The following DRC1 variants were observed in gnomAD, a reference collection of about 807,000 sequenced individuals.
DRC1 encodes dynein regulatory complex subunit 1, also known as dynein regulatory complex protein 1.
Under a neutral mutation model 98.7 loss-of-function variants are expected in DRC1, and 74 were observed. The ratio of observed to expected loss-of-function variants is 0.75; its 90% CI spans 0.62 to 0.91. The LOEUF (loss-of-function observed/expected upper bound fraction) is 0.91. Among genes scored for constraint, DRC1 ranks in the 40% least tolerant of loss-of-function variants. The pLI, the probability that DRC1 is intolerant of heterozygous loss-of-function variation, is 0.00. For missense variants in DRC1, 875 were observed against 886.0 expected, an observed-to-expected ratio of 0.99 and a Z score of 0.16; for synonymous variants, 336 against 334.1, an observed-to-expected ratio of 1.01 and a Z score of -0.06.
intron 8 of DRC1, among the ~76,000 whole-genome samples, chr2:26,442,355 T>A (rs916254316): frequency 3.3e-5 from 5 of 152,222 alleles, no homozygotes; most frequent in African/African-American, 1.2e-4. Flanking sequence ...GATGATGCCC[T>A]TCTAGCCAAG....
chr2:26,455,247 C>G lies in DRC1; in HGVS notation c.2166+14C>G, dbSNP rs372413028. 3.1e-6 allele frequency: 5 copies of G among 1,609,328 alleles called. No individual in the cohort carries two copies. The highest frequency in any genetic ancestry group is 4.2e-6 in the Non-Finnish European group (5 of 1,177,406). On this transcript the variant is annotated intron_variant, in intron 16 of 16. Coordinates refer to ENST00000288710, the MANE Select transcript of DRC1 (RefSeq NM_145038.5). ...CTGAACTCCAAGGTGGGCGGCGGGG[C>G]CTTCCAAGGAGGGGCAGCGGGAGAC... is the stretch of plus-strand genomic sequence containing the variant.
chr2:26,411,234 C>T (rs1204097294), intron 1 of DRC1, among the ~76,000 whole-genome samples: 2 of 152,174 alleles, frequency 1.3e-5, no homozygotes, highest in African/African-American at 4.8e-5. Context: ...ACAGTATCAG[C>T]CACATATGTC....
In DRC1 at chr2:26,444,228, T is replaced by C. The variant is rs1314698959; in HGVS notation, c.1035T>C (p.His345=). 1.2e-6 allele frequency: 2 copies of C among 1,614,034 alleles called. No homozygotes were observed. The stretch of plus-strand genomic sequence containing the variant: ...CTTTTTCTCCTTCAACCAGCCTGCA[T>C]GATATACTTAACAATCTGAGATCAA... ...SQQKRKINRL[H]DILNNLRSKY... The change falls in exon 9 of 17, where the codon CAT becomes CAC. Residue 345 remains histidine (H), a synonymous_variant. Coordinates refer to ENST00000288710, the MANE Select transcript of DRC1 (RefSeq NM_145038.5).
chr2:26,404,099 CAA>C, intron 1 of DRC1, among the ~76,000 whole-genome samples: 1 of 140,068 alleles, frequency 7.1e-6, no homozygotes, highest in East Asian at 2.1e-4. Flanking sequence ...GACTCTGTCT[CAA>C]AAAAAAAAAA....
chr2:26,450,714 T>G (rs1465710686), intron 13 of DRC1, 33 bp downstream of exon 13: 3 of 1,479,590 alleles, frequency 2.0e-6, no homozygotes, highest in Admixed American at 2.4e-5. Context: ...GAAAGCATTT[T>G]CTTTCTTTCT....
At chr2:26,443,301 T>A (rs765743925) in intron 8 of DRC1, among the ~76,000 whole-genome samples, 9 of 152,240 alleles carry the variant, frequency 5.9e-5, no homozygotes, top group Non-Finnish European at 1.2e-4. Flanking sequence ...GTCTGAAGTA[T>A]GGGCCTGGGT....
intron 7 of DRC1, among the ~76,000 whole-genome samples, chr2:26,438,644 C>T (rs1427471945): frequency 6.6e-6 from 1 of 152,164 alleles, no homozygotes; most frequent in East Asian, 1.9e-4. Context: ...GGGTGGGGAT[C>T]GCCGGATTCC....
In DRC1 at chr2:26,431,954, G is replaced by A. The variant is rs989489316; in HGVS notation, c.836G>A (p.Trp279Ter). ...YEKQLNRQRI[W>*]DCEEYNMIKI... is the part of the protein sequence containing the mutation. ...AAGCAGCTGAACAGGCAGAGGATCT[G>A]GGATTGCGAAGAATACAACATGATC... is the stretch of plus-strand genomic sequence containing the variant. Residue 279 changes from tryptophan to a stop codon, truncating the protein, a stop_gained, in exon 7 of 17, where the codon TGG becomes TAG. Coordinates refer to ENST00000288710, the MANE Select transcript of DRC1 (RefSeq NM_145038.5). LOFTEE classifies it high-confidence loss of function. 2 of 1,614,204 alleles carry A rather than the reference G, an allele frequency of 1.2e-6. No homozygotes were observed. Among genetic ancestry groups the A allele is most frequent in the Middle Eastern group, 1.6e-4 (1 of 6,062 alleles).
intron 13 of DRC1, among the ~76,000 whole-genome samples, chr2:26,451,716 A>G (rs962116558): frequency 6.6e-6 from 1 of 152,226 alleles, no homozygotes; most frequent in Admixed American, 6.5e-5. Flanking sequence ...AGAGAAAAGA[A>G]AAAAAGAGCT....
chr2:26,435,337 G>A (rs1014437291), intron 7 of DRC1, among the ~76,000 whole-genome samples: 2 of 152,112 alleles, frequency 1.3e-5, no homozygotes, highest in African/African-American at 2.4e-5. Flanking sequence ...CATTAGTCTT[G>A]GGAACATGAA....
chr2:26,415,719 G>A (rs1432050826), intron 2 of DRC1, among the ~76,000 whole-genome samples: 1 of 152,284 alleles, frequency 6.6e-6, no homozygotes, highest in Non-Finnish European at 1.5e-5. Context: ...ATCACCTGAG[G>A]TCAGGAGTTC....
In DRC1 at chr2:26,454,580, C is replaced by G; in HGVS notation, c.1920-67C>G. 1 of 1,588,342 alleles carries G rather than the reference C, an allele frequency of 6.3e-7. No homozygotes were observed. Among genetic ancestry groups the G allele is most frequent in the Non-Finnish European group, 8.6e-7 (1 of 1,164,946 alleles). ...AGGTGGGAAAGCAGTAGGCCTGTGA[C>G]TGGCACTGCCTGGGGGCCTGGGTAG... On this transcript the variant is annotated intron_variant, in intron 14 of 16. Coordinates refer to ENST00000288710, the MANE Select transcript of DRC1 (RefSeq NM_145038.5). The surrounding 1 kb of genome is among the most constrained non-coding windows in gnomAD (Gnocchi z 5.2).
At chr2:26,424,825 A>G (rs1483042500) in intron 4 of DRC1, among the ~76,000 whole-genome samples, 1 of 152,016 alleles carries the variant, frequency 6.6e-6, no homozygotes, top group Non-Finnish European at 1.5e-5. Flanking sequence ...GGTGGCACAT[A>G]CCTGTAATCT....
In DRC1 at chr2:26,449,966, G is replaced by T. The variant is rs372557573; in HGVS notation, c.1510-30G>T. 4 of 1,606,164 alleles carry T rather than the reference G, an allele frequency of 2.5e-6. No individual in the cohort carries two copies. The African/African-American group carries it at 4.0e-5, about 16-fold the overall frequency. On this transcript the variant is annotated intron_variant, in intron 11 of 16. Transcript: ENST00000288710. ...GGACTCGCTCCTGAAACCTGTCCCC[G>T]ACAGGAGATGCCTTCTTCCTTCTCC...
intron 8 of DRC1, among the ~76,000 whole-genome samples, chr2:26,441,105 T>A: frequency 6.6e-6 from 1 of 152,208 alleles, no homozygotes; most frequent in Non-Finnish European, 1.5e-5. Flanking sequence ...TTCTCATACA[T>A]CCTTCCCTTC....
In DRC1 at chr2:26,430,771, C is replaced by A; in HGVS notation, c.679-15C>A. On this transcript the variant is annotated splice_polypyrimidine_tract_variant and intron_variant, in intron 5 of 16. Coordinates refer to ENST00000288710, the MANE Select transcript of DRC1 (RefSeq NM_145038.5). ...TCAAAACAGATGCAAGAGTGTTTTTCCTTCTTGGTCGTAGAAAGCATTTGA... is the reference window on the plus strand; with the variant it reads ...TCAAAACAGATGCAAGAGTGTTTTTACTTCTTGGTCGTAGAAAGCATTTGA... 1 of 1,613,542 alleles carries A rather than the reference C, an allele frequency of 6.2e-7. No individual in the cohort carries two copies.
rs118111525 is a variant in DRC1 at position 26,423,801 on chromosome 2, T to C, written c.357-470T>C. ...CAACAGCCAGCCACTTGAAGGTAGA[T>C]ACTTTTCATCCACGCCATTTTACAG... On this transcript the variant is annotated intron_variant, in intron 3 of 16. Coordinates refer to ENST00000288710, the MANE Select transcript of DRC1 (RefSeq NM_145038.5). 5.1e-3 allele frequency among the ~76,000 whole-genome samples: 770 copies of C among 152,366 alleles called. 25 individuals carry two copies. The South Asian group carries it at 0.077, about 15-fold the overall frequency.
In DRC1 at chr2:26,444,854, A is replaced by G. The variant is rs1663811966; in HGVS notation, c.1302A>G (p.Ala434=). 1 of 1,614,076 alleles carries G rather than the reference A, an allele frequency of 6.2e-7. No individual in the cohort carries two copies. Among genetic ancestry groups the G allele is most frequent in the African/African-American group, 1.3e-5 (1 of 74,918 alleles). The change falls in exon 10 of 17, where the codon GCA becomes GCG. Residue 434 remains alanine (A), a synonymous_variant. Transcript: ENST00000288710. ...HTHHLGLPWA[A]PDFWFLNNVG... is the part of the protein sequence containing the mutation. ...ATCATCTGGGGCTTCCCTGGGCAGC[A>G]CCTGATTTCTGGTTCCTGAACAATG...
Position 26,454,640 on chromosome 2 carries a change from C to A in DRC1, c.1920-7C>A. Reference sequence around the variant, plus strand: ...GACATGACAATCACTGTGCTCTTGGCCTTCAGGGACTCGCGGGCCCCGCTG... The same window carrying A: ...GACATGACAATCACTGTGCTCTTGGACTTCAGGGACTCGCGGGCCCCGCTG... On this transcript the variant is annotated splice_polypyrimidine_tract_variant and splice_region_variant and intron_variant, in intron 14 of 16. Coordinates refer to ENST00000288710, the MANE Select transcript of DRC1 (RefSeq NM_145038.5). The surrounding 1 kb of genome is among the most constrained non-coding windows in gnomAD (Gnocchi z 5.2). 1 of 1,613,888 alleles carries A rather than the reference C, an allele frequency of 6.2e-7. No homozygotes were observed. Among genetic ancestry groups the A allele is most frequent in the Non-Finnish European group, 8.5e-7 (1 of 1,179,894 alleles).
Sources: gnomAD v4.1 joint callset for allele counts (sites outside exome capture counted in the v4.1 genomes callset) on GRCh38, gnomAD v4.1.1 for gene constraint, Gnocchi (gnomAD v3.1) non-coding constraint, MANE v1.5 for transcripts, NCBI Gene and HGNC (gene_info 2026-07-23, HGNC 2026-07-21) for gene names.